The following NBEA variants were observed in gnomAD, a reference collection of about 807,000 sequenced individuals.
The protein encoded by NBEA is neurobeachin, also known as lysosomal-trafficking regulator 2.
A neutral mutation model predicts 343.4 loss-of-function variants in NBEA; 44 were observed. The observed-to-expected ratio is 0.13, with a 90% CI of 0.10 to 0.16. NBEA has a LOEUF of 0.16. Among genes scored for constraint, NBEA ranks in the 10% least tolerant of loss-of-function variants. NBEA has a pLI of 1.00. For synonymous variants in NBEA, 1,175 were observed against 1,238.7 expected (o/e 0.95, Z 1.08); for missense variants, 2,555 against 3,631.3 (o/e 0.70, Z 7.62).
intron 38 of NBEA, among the ~76,000 whole-genome samples, chr13:35,413,436 A>G (rs2043709758): frequency 6.6e-6 from 1 of 152,150 alleles, no homozygotes; most frequent in African/African-American, 2.4e-5. Context: ...GTTACTACGT[A>G]TTAAATAATC....
At chr13:35,101,188 A>C (rs891164103) in intron 11 of NBEA, among the ~76,000 whole-genome samples, 2 of 151,966 alleles carry the variant, frequency 1.3e-5, no homozygotes, top group Non-Finnish European at 2.9e-5. Flanking sequence ...ATATGTGGAC[A>C]TATGTTTTTA....
At chr13:35,416,344 C>A (rs2043908623) in intron 38 of NBEA, among the ~76,000 whole-genome samples, 1 of 152,116 alleles carries the variant, frequency 6.6e-6, no homozygotes, top group Admixed American at 6.6e-5. Context: ...CAGTTTTTGC[C>A]CATTCAGTAT....
intron 41 of NBEA, among the ~76,000 whole-genome samples, chr13:35,514,835 T>G (rs1306894077): frequency 6.6e-6 from 1 of 152,192 alleles, no homozygotes; most frequent in Non-Finnish European, 1.5e-5. Flanking sequence ...TATTAAACTC[T>G]AAAAGGGCTA....
intron 31 of NBEA, among the ~76,000 whole-genome samples, chr13:35,202,536 T>C (rs2073092772): frequency 6.6e-6 from 1 of 152,166 alleles, no homozygotes; most frequent in Admixed American, 6.6e-5. Flanking sequence ...TAAACCATGA[T>C]GTACACAGAT....
intron 36 of NBEA, among the ~76,000 whole-genome samples, chr13:35,335,034 T>C (rs1208163807): frequency 6.6e-6 from 1 of 152,120 alleles, no homozygotes; most frequent in African/African-American, 2.4e-5. Context: ...TTTTTATATA[T>C]GATGAGGGAT....
rs1314749474 is a variant in NBEA, at chr13:35,242,540, C to T, written c.5776+9921C>T. ...TCTCAAATTTTAGGAATCAGACATA[C>T]GAACTGAAGCTCAACAAGCTCCCAT... On this transcript the variant is annotated intron_variant, in intron 34 of 58. Coordinates refer to ENST00000379939, the MANE Select transcript of NBEA (RefSeq NM_001385012.1). Among the ~76,000 whole-genome samples, 7 of 151,858 alleles carry T rather than the reference C, an allele frequency of 4.6e-5. No individual in the cohort carries two copies. The South Asian group carries it at 6.2e-4, about 13-fold the overall frequency.
chr13:35,125,027 T>G (rs1042052514), intron 17 of NBEA, among the ~76,000 whole-genome samples: 2 of 151,982 alleles, frequency 1.3e-5, no homozygotes, highest in African/African-American at 4.8e-5. Context: ...CATTAAAAAA[T>G]TTACGAAAAG....
intron 40 of NBEA, among the ~76,000 whole-genome samples, chr13:35,462,925 T>A (rs2046985524): frequency 6.6e-6 from 1 of 152,138 alleles, no homozygotes; most frequent in African/African-American, 2.4e-5. Context: ...AGATGCAAGG[T>A]CTTCTGTGGG....
In NBEA at chr13:35,414,346, C is replaced by T. The variant is rs531973966; in HGVS notation, c.6180-17923C>T. ...GCTGCACTCGTTAACTCGTCATTTA[C>T]ATTAGGTATATCTCCTAATGCTATC... On this transcript the variant is annotated intron_variant, in intron 38 of 58. Coordinates refer to ENST00000379939, the MANE Select transcript of NBEA (RefSeq NM_001385012.1). Among the ~76,000 whole-genome samples, 180 of 152,200 alleles carry T rather than the reference C, an allele frequency of 1.2e-3. 1 individual carries two copies. Among genetic ancestry groups the T allele is most frequent in the Non-Finnish European group, 2.2e-3 (151 of 68,008 alleles).
At chr13:35,385,909 A>G (rs1451772743) in intron 38 of NBEA, among the ~76,000 whole-genome samples, 2 of 152,092 alleles carry the variant, frequency 1.3e-5, no homozygotes, top group Non-Finnish European at 2.9e-5. Context: ...ACTGATTTAC[A>G]TTGTTTCCCC....
intron 47 of NBEA, 43 bp downstream of exon 47, chr13:35,593,490 T>C: frequency 6.4e-7 from 1 of 1,552,128 alleles, no homozygotes; most frequent in Non-Finnish European, 8.7e-7. Flanking sequence ...TTTCAAAATA[T>C]GTGGAAATTT....
chr13:35,256,246 TG>T (rs1000876215), intron 34 of NBEA, among the ~76,000 whole-genome samples: 2 of 151,990 alleles, frequency 1.3e-5, no homozygotes, highest in Non-Finnish European at 2.9e-5. Context: ...AGCTCCTTTC[TG>T]CAGGCAGGTC....
chr13:35,149,014 T>C (rs1265219137), intron 18 of NBEA, among the ~76,000 whole-genome samples: 1 of 152,262 alleles, frequency 6.6e-6, no homozygotes. Flanking sequence ...TAAGAGTGGC[T>C]GCTCTTTAGA....
At chr13:35,587,436 CGTCAAT>C (rs2081339354) in intron 46 of NBEA, among the ~76,000 whole-genome samples, 2 of 152,152 alleles carry the variant, frequency 1.3e-5, no homozygotes, top group South Asian at 4.2e-4. Flanking sequence ...CCTCAGGTCC[CGTCAAT>C]GACAATCATT....
chr13:35,436,501 G>A (rs2045448385), intron 39 of NBEA, among the ~76,000 whole-genome samples: 1 of 152,116 alleles, frequency 6.6e-6, no homozygotes, highest in Admixed American at 6.5e-5. Context: ...ACGAGGTCAG[G>A]AGATCAAGAC....
intron 1 of NBEA, 98 bp downstream of exon 1, chr13:34,943,212 G>A: frequency 2.0e-6 from 3 of 1,466,784 alleles, no homozygotes; most frequent in Non-Finnish European, 2.8e-6. Context: ...GGTCACACGC[G>A]CCGCGCGTCC....
intron 41 of NBEA, among the ~76,000 whole-genome samples, chr13:35,522,392 C>T (rs2077759127): frequency 1.4e-5 from 2 of 146,088 alleles, no homozygotes; most frequent in South Asian, 2.2e-4. Flanking sequence ...CACTTGAACC[C>T]GGGAGGCAGA....
intron 1 of NBEA, among the ~76,000 whole-genome samples, chr13:35,021,166 A>C (rs2061825797): frequency 6.6e-6 from 1 of 152,024 alleles, no homozygotes; most frequent in African/African-American, 2.4e-5. Flanking sequence ...GGGCTGGCAA[A>C]CTATTGCCTA....
At chr13:35,556,912 G>A (rs1035434733) in intron 44 of NBEA, among the ~76,000 whole-genome samples, 2 of 151,936 alleles carry the variant, frequency 1.3e-5, no homozygotes, top group South Asian at 2.1e-4. Flanking sequence ...CTGATTTTTC[G>A]GGATGATATT....
Sources: gnomAD v4.1 joint callset for allele counts (sites outside exome capture counted in the v4.1 genomes callset) on GRCh38, gnomAD v4.1.1 for gene constraint, MANE v1.5 for transcripts, NCBI Gene and HGNC (gene_info 2026-07-23, HGNC 2026-07-21) for gene names.